ELAVL3: variants seen among roughly 807,000 people sequenced by gnomAD.
ELAVL3 encodes ELAV-like protein 3.
ELAVL3 carries 8 observed loss-of-function variants against 34.2 expected under a neutral mutation model. The observed-to-expected ratio is 0.23, with a 90% CI of 0.14 to 0.42. ELAVL3 has a LOEUF of 0.42. Ranked by LOEUF, ELAVL3 falls within the 10% of genes least tolerant of loss-of-function variation. ELAVL3 has a pLI of 1.00. For synonymous variants in ELAVL3, 209 were observed against 222.1 expected (o/e 0.94, Z 0.53); for missense variants, 273 against 518.8 (o/e 0.53, Z 4.60).
intron 1 of ELAVL3, among the ~76,000 whole-genome samples, chr19:11,470,799 A>ATTGT (rs1416227979): frequency 1.3e-5 from 2 of 152,326 alleles, no homozygotes; most frequent in Non-Finnish European, 1.5e-5. Flanking sequence ...CTGCTCTGGC[A>ATTGT]TTGGAAATGA....
intron 1 of ELAVL3, among the ~76,000 whole-genome samples, chr19:11,473,185 G>A (rs982784907): frequency 3.3e-5 from 5 of 152,002 alleles, no homozygotes; most frequent in East Asian, 1.9e-4. Flanking sequence ...CTAACACGGC[G>A]AAACTCCGTC....
chr19:11,474,976 C>T (rs927523938), intron 1 of ELAVL3, among the ~76,000 whole-genome samples: 4 of 152,042 alleles, frequency 2.6e-5, no homozygotes, highest in Non-Finnish European at 4.4e-5. Flanking sequence ...CTACAGGCAC[C>T]CACCACCACG....
At chr19:11,472,839 G>A (rs1301657663) in intron 1 of ELAVL3, among the ~76,000 whole-genome samples, 3 of 151,586 alleles carry the variant, frequency 2.0e-5, no homozygotes, top group African/African-American at 4.9e-5. Flanking sequence ...CCAAGGGGGG[G>A]TGGATCGCCA....
chr19:11,465,104 A>G (rs572779063), intron 3 of ELAVL3, among the ~76,000 whole-genome samples: 11 of 140,348 alleles, frequency 7.8e-5, no homozygotes, highest in African/African-American at 3.0e-4. Context: ...CCACACACAC[A>G]TACACATACA....
At position 11,454,903 on chromosome 19, in the gene ELAVL3, G is replaced by C. The variant is rs753753375; in HGVS notation, c.753-26C>G. Reference sequence around the variant, plus strand: ...CTACTTTGGGGGTCACGCGGGCTCTGCCCTGACCCCCCGCATGCTTCTGAC... The same window carrying C: ...CTACTTTGGGGGTCACGCGGGCTCTCCCCTGACCCCCCGCATGCTTCTGAC... On this transcript the variant is annotated intron_variant, in intron 6 of 6. Transcript: ENST00000359227. This position sits in a 1 kb window ranked among gnomAD's most constrained non-coding sequence, Gnocchi z 9.2. The C allele has an allele frequency of 7.5e-5, 118 of 1,568,400 alleles. 1 individual carries two copies. Among genetic ancestry groups the C allele is most frequent in the Non-Finnish European group, 2.1e-5 (24 of 1,161,798 alleles).
Position 11,458,609 on chromosome 19 carries a change from C to A in ELAVL3, c.336G>T (p.Val112=). The A allele has an allele frequency of 6.2e-7, 1 of 1,613,630 alleles. No homozygotes were observed. Residue 112 remains valine (V), a splice_region_variant and synonymous_variant, in exon 4 of 7, where the codon GTG becomes GTT. Transcript: ENST00000359227. The surrounding 1 kb of genome is among the most constrained non-coding windows in gnomAD (Gnocchi z 7.3). ...GLKLQTKTIK[V]SYARPSSASI... ...ATGCTGAACTGGGTCTGGCATAGGA[C>A]ACCTGGGTGAGGGGGTCAGATGGAC... is the stretch of plus-strand genomic sequence containing the variant.
In ELAVL3 at chr19:11,480,459, C is replaced by T; in HGVS notation, c.9+141G>A. 1.8e-6 allele frequency: 2 copies of T among 1,095,778 alleles called. No homozygotes were observed. Among genetic ancestry groups the T allele is most frequent in the Admixed American group, 4.1e-5 (1 of 24,306 alleles). 67.9% of individuals were successfully genotyped at this position (1,095,778 alleles called of 1,614,324 possible). A position where few individuals can be genotyped will look rare whatever the true frequency, so the allele number is the denominator to read the frequency against. On this transcript the variant is annotated intron_variant, in intron 1 of 6. Transcript: ENST00000359227. This position sits in a 1 kb window ranked among gnomAD's most constrained non-coding sequence, Gnocchi z 6.8. Reference sequence around the variant, plus strand: ...GCGCGGCCCTGCCCACTCTCAGGCCCCGAGGCTTGGTCCTACCCCCCCAAC... The same window carrying T: ...GCGCGGCCCTGCCCACTCTCAGGCCTCGAGGCTTGGTCCTACCCCCCCAAC...
At chr19:11,457,227 A>AC in intron 5 of ELAVL3, 79 bp from the exon 6 acceptor site, 1 of 1,038,338 alleles carries the variant, frequency 9.6e-7, no homozygotes, top group Non-Finnish European at 1.2e-6. Context: ...TGCCCTCCCC[A>AC]CCCCCACCCA....
chr19:11,477,164 G>A (rs1419911307), intron 1 of ELAVL3, among the ~76,000 whole-genome samples: 1 of 152,194 alleles, frequency 6.6e-6, no homozygotes, highest in Non-Finnish European at 1.5e-5. Flanking sequence ...GCTGTCCTCT[G>A]ATAGTTAGGT....
chr19:11,457,199 G>C, intron 5 of ELAVL3, 51 bp from the exon 6 acceptor site: 2 of 1,525,088 alleles, frequency 1.3e-6, no homozygotes, highest in African/African-American at 2.8e-5. Flanking sequence ...ACGCCCCCCT[G>C]CTGTGACACC....
At chr19:11,455,525 G>T (rs1187801369) in intron 6 of ELAVL3, among the ~76,000 whole-genome samples, 1 of 151,968 alleles carries the variant, frequency 6.6e-6, no homozygotes, top group Non-Finnish European at 1.5e-5. Flanking sequence ...GACCTCAGGT[G>T]ATCCGCCCGC....
In ELAVL3 at chr19:11,478,309, G is replaced by A. The variant is rs574949673; in HGVS notation, c.9+2291C>T. On this transcript the variant is annotated intron_variant, in intron 1 of 6. Transcript: ENST00000359227. Reference sequence around the variant, plus strand: ...TAGCCTGCTAATCTGGCCACCACCCGTTCTCCCTCCCATTTGTGCCAGAGC... The same window carrying A: ...TAGCCTGCTAATCTGGCCACCACCCATTCTCCCTCCCATTTGTGCCAGAGC... Among the ~76,000 whole-genome samples, 7 of 152,240 alleles carry A rather than the reference G, an allele frequency of 4.6e-5. No individual in the cohort carries two copies. The East Asian group carries it at 9.6e-4, about 21-fold the overall frequency.
intron 3 of ELAVL3, among the ~76,000 whole-genome samples, chr19:11,462,550 T>A (rs2144887381): frequency 6.6e-6 from 1 of 151,164 alleles, no homozygotes; most frequent in South Asian, 2.1e-4. Context: ...GGCAGGAGAA[T>A]CACTTGAACC....
chr19:11,455,115 C>T (rs1970741457), intron 6 of ELAVL3, among the ~76,000 whole-genome samples: 1 of 151,764 alleles, frequency 6.6e-6, no homozygotes, highest in Non-Finnish European at 1.5e-5. Context: ...CCTCCCGCCT[C>T]AGCCTCCTGA....
At position 11,478,896 on chromosome 19, in the gene ELAVL3, G is replaced by A. The variant is rs535291637; in HGVS notation, c.9+1704C>T. ...AGGGCATTGAGTGGCTATGCATGGT[G>A]AGGCTGGGCTACCACGTGGTGCTGA... On this transcript the variant is annotated intron_variant, in intron 1 of 6. Coordinates refer to ENST00000359227, the MANE Select transcript of ELAVL3 (RefSeq NM_001420.4). Among the ~76,000 whole-genome samples, 11 of 152,298 alleles carry A rather than the reference G, an allele frequency of 7.2e-5. 1 individual carries two copies. In the South Asian group the frequency reaches 2.3e-3, roughly 32 times the overall value.
chr19:11,469,548 G>C (rs896951740), intron 1 of ELAVL3, among the ~76,000 whole-genome samples: 3 of 152,058 alleles, frequency 2.0e-5, no homozygotes, highest in African/African-American at 7.2e-5. Context: ...CCAAAGTGCT[G>C]GGATTACAGG....
rs1370582098 is a variant in ELAVL3, at chr19:11,452,624, TAAC to T, written c.*1899_*1901del. On this transcript the variant is annotated 3_prime_UTR_variant, in exon 7 of 7. Transcript: ENST00000359227. ...CAGCAGAAGCTCCACAGACGTTTAATAACAACACCGGGAGGGGTGGGGGAGAGA... is the reference window on the plus strand; with the variant it reads ...CAGCAGAAGCTCCACAGACGTTTAATAACACCGGGAGGGGTGGGGGAGAGA... 2.0e-5 allele frequency: 3 copies of T among 151,604 alleles called. No homozygotes were observed. Among genetic ancestry groups the T allele is most frequent in the Non-Finnish European group, 4.4e-5 (3 of 67,934 alleles). The allele number at this position is 151,604 out of a possible 1,614,324, so 9.4% of individuals were successfully genotyped here.
At chr19:11,460,091 G>A (rs1322294044) in intron 3 of ELAVL3, among the ~76,000 whole-genome samples, 3 of 151,972 alleles carry the variant, frequency 2.0e-5, no homozygotes, top group Non-Finnish European at 2.9e-5. Context: ...TCCTGCTCCC[G>A]CCCGCCTCCA....
Position 11,454,158 on chromosome 19 carries a change from G to GC in ELAVL3, c.*367dup. On this transcript the variant is annotated 3_prime_UTR_variant, in exon 7 of 7. Coordinates refer to ENST00000359227, the MANE Select transcript of ELAVL3 (RefSeq NM_001420.4). This position sits in a 1 kb window ranked among gnomAD's most constrained non-coding sequence, Gnocchi z 9.2. Reference sequence around the variant, plus strand: ...GGGGTCTGGGAGGGCACCCCCTGGAGCCCCCCAAGCCATCCCATCGGGGGT... The same window carrying GC: ...GGGGTCTGGGAGGGCACCCCCTGGAGCCCCCCCAAGCCATCCCATCGGGGGT... The GC allele has an allele frequency of 5.1e-6, 1 of 194,420 alleles. No individual in the cohort carries two copies. 12.0% of individuals were successfully genotyped at this position (194,420 alleles called of 1,614,324 possible).
Sources: gnomAD v4.1 joint callset for allele counts (sites outside exome capture counted in the v4.1 genomes callset) on GRCh38, gnomAD v4.1.1 for gene constraint, Gnocchi (gnomAD v3.1) non-coding constraint, MANE v1.5 for transcripts, NCBI Gene and HGNC (gene_info 2026-07-23, HGNC 2026-07-21) for gene names.